The following ALOXE3 variants were observed in gnomAD, a reference collection of about 807,000 sequenced individuals.
The protein encoded by ALOXE3 is hydroperoxide isomerase ALOXE3.
Under a neutral mutation model 87.5 loss-of-function variants are expected in ALOXE3, and 78 were observed. The observed-to-expected ratio is 0.89, with a 90% CI of 0.74 to 1.08. ALOXE3 has a LOEUF of 1.08. ALOXE3 is among the 50% of genes least tolerant of loss of function. ALOXE3 has a pLI of 0.00. For missense variants in ALOXE3, 946 were observed against 912.4 expected (o/e 1.04, Z -0.47); for synonymous variants, 363 against 370.8 (o/e 0.98, Z 0.24).
At chr17:8,107,980 G>GAA (rs1555647085) in intron 13 of ALOXE3, among the ~76,000 whole-genome samples, 1 of 14,970 alleles carries the variant, frequency 6.7e-5, no homozygotes, top group East Asian at 5.8e-4. Flanking sequence ...GAGAGAGAGA[G>GAA]AGAAAGAAAG....
At chr17:8,107,244 C>T (rs1979384305) in intron 13 of ALOXE3, among the ~76,000 whole-genome samples, 1 of 152,154 alleles carries the variant, frequency 6.6e-6, no homozygotes, top group Admixed American at 6.5e-5. Context: ...AGGCCGGGTG[C>T]GGTGGCTCAC....
In ALOXE3 at chr17:8,111,350, C is replaced by T. The variant is rs200957066; in HGVS notation, c.957+9G>A. On this transcript the variant is annotated intron_variant, in intron 8 of 15. Coordinates refer to ENST00000448843, the MANE Select transcript of ALOXE3 (RefSeq NM_021628.3). ...ACCTATCAGGCCCACTGCCCAGATC[C>T]TTACCCACCTCTAGCTCTGTCTGCA... is the stretch of plus-strand genomic sequence containing the variant. 6.2e-7 allele frequency: 1 copy of T among 1,612,742 alleles called. No homozygotes were observed. The highest frequency in any genetic ancestry group is 2.2e-5 in the East Asian group (1 of 44,884).
Position 8,107,814 on chromosome 17 carries a change from AAAG to A in ALOXE3, c.1684+651_1684+653del, listed in dbSNP as rs1979455903. Reference sequence around the variant, plus strand: ...ACTCCGTCTCAAAAAAAAAAACAAGAAAGAAAGAAAGAAAGAAAGAAAGAAAGA... The same window carrying A: ...ACTCCGTCTCAAAAAAAAAAACAAGAAAAGAAAGAAAGAAAGAAAGAAAGA... On this transcript the variant is annotated intron_variant, in intron 13 of 15. Transcript: ENST00000448843. 8.9e-4 allele frequency among the ~76,000 whole-genome samples: 2 copies of A among 2,246 alleles called. 1 individual carries two copies. Among genetic ancestry groups the A allele is most frequent in the African/African-American group, 2.8e-3 (2 of 720 alleles). 1.5% of individuals were successfully genotyped at this position (2,246 alleles called of 152,430 possible). A position where few individuals can be genotyped will look rare whatever the true frequency, so the allele number is the denominator to read the frequency against.
At chr17:8,113,969 G>C (rs552708293) in intron 6 of ALOXE3, among the ~76,000 whole-genome samples, 2 of 151,228 alleles carry the variant, frequency 1.3e-5, no homozygotes, top group East Asian at 1.9e-4. Flanking sequence ...AGGTTGCGGT[G>C]AGCCGAGATC....
chr17:8,114,358 A>G (rs970175270), intron 6 of ALOXE3, 126 bp downstream of exon 6: 20 of 1,339,684 alleles, frequency 1.5e-5, no homozygotes, highest in Non-Finnish European at 2.1e-5. Context: ...GAATGAGTCC[A>G]GAGAGGAGGG....
chr17:8,102,976 G>T (rs2151830986), intron 15 of ALOXE3, among the ~76,000 whole-genome samples: 1 of 152,306 alleles, frequency 6.6e-6, no homozygotes, highest in Middle Eastern at 3.4e-3. Flanking sequence ...CAGGCTTCTT[G>T]AAGGCAGGAA....
In ALOXE3 at chr17:8,108,372, A is replaced by C. The variant is rs868493946; in HGVS notation, c.1684+96T>G. ...TGGGGATATTAATAGTATCTACTTC[A>C]AAGGCTGGTCAATAAATAACTGATG... On this transcript the variant is annotated intron_variant, in intron 13 of 15. Transcript: ENST00000448843. The C allele has an allele frequency of 2.6e-6, 4 of 1,532,930 alleles. No homozygotes were observed. In the Middle Eastern group the frequency reaches 7.8e-4, roughly 299 times the overall value. 95.0% of individuals were successfully genotyped at this position (1,532,930 alleles called of 1,614,324 possible).
In ALOXE3 at chr17:8,108,374, A is replaced by G. The variant is rs1979691419; in HGVS notation, c.1684+94T>C. ...GGGATATTAATAGTATCTACTTCAA[A>G]GGCTGGTCAATAAATAACTGATGGG... is the stretch of plus-strand genomic sequence containing the variant. On this transcript the variant is annotated intron_variant, in intron 13 of 15. Coordinates refer to ENST00000448843, the MANE Select transcript of ALOXE3 (RefSeq NM_021628.3). 12 of 1,538,504 alleles carry G rather than the reference A, an allele frequency of 7.8e-6. No individual in the cohort carries two copies. The East Asian group carries it at 2.7e-4, about 34-fold the overall frequency.
chr17:8,116,924 A>G lies in ALOXE3; in HGVS notation c.204T>C (p.Arg68=). 6.2e-7 allele frequency: 1 copy of G among 1,614,248 alleles called. No individual in the cohort carries two copies. The highest frequency in any genetic ancestry group is 2.2e-5 in the East Asian group (1 of 44,886). The change falls in exon 3 of 16, where the codon CGT becomes CGC. Residue 68 remains arginine, a synonymous_variant. Transcript: ENST00000448843. ...TAELGELLLL[R]VHKERYAFFR... is the part of the protein sequence containing the mutation. ...AGAAAGCGTAGCGCTCCTTGTGTAC[A>G]CGCAGCAGCAAGAGCTCACCCAGCT...
chr17:8,109,291 G>A lies in ALOXE3; in HGVS notation c.1445C>T (p.Ala482Val). The A allele has an allele frequency of 7.4e-6, 12 of 1,614,082 alleles. No individual in the cohort carries two copies. Among genetic ancestry groups the A allele is most frequent in the Non-Finnish European group, 1.0e-5 (12 of 1,180,034 alleles). ...GLIYLMSTGL[A>V]HFTYTNFCLP... ...GCAGAAATTGGTGTAGGTGAAGTGG[G>A]CCAGGCCCGTGCTCATGAGGTAGAT... is the stretch of plus-strand genomic sequence containing the variant. The change falls in exon 12 of 16, where the codon GCC (alanine) becomes GTC (valine). Residue 482 changes from alanine (A) to valine (V), a missense_variant. Physicochemically the swap from Ala to Val is moderately conservative, Grantham distance 64. Transcript: ENST00000448843.
In ALOXE3 at chr17:8,096,626, G is replaced by T. The variant is rs531306514; in HGVS notation, c.*1C>A. On this transcript the variant is annotated 3_prime_UTR_variant, in exon 16 of 16. Coordinates refer to ENST00000448843, the MANE Select transcript of ALOXE3 (RefSeq NM_021628.3). The stretch of plus-strand genomic sequence containing the variant: ...TCTTCTTGGGTGGTATTTGGGGGTG[G>T]TTAGATGGAGACGCTGTTCTCAATG... 80 of 1,295,636 alleles carry T rather than the reference G, an allele frequency of 6.2e-5. No individual in the cohort carries two copies. The South Asian group carries it at 9.0e-4, about 14-fold the overall frequency. The allele number at this position is 1,295,636 out of a possible 1,614,324, so 80.3% of individuals were successfully genotyped here.
At chr17:8,117,426 G>GAAAAGAAAAAGA (rs1980695825) in intron 2 of ALOXE3, among the ~76,000 whole-genome samples, 1 of 152,284 alleles carries the variant, frequency 6.6e-6, no homozygotes, top group Admixed American at 6.5e-5. Flanking sequence ...ATCTCAAAAA[G>GAAAAGAAAAAGA]AAAAGAAAAA....
In ALOXE3 at chr17:8,115,047, A is replaced by C. The variant is rs775113810; in HGVS notation, c.445T>G (p.Tyr149Asp). The C allele has an allele frequency of 1.9e-6, 3 of 1,614,102 alleles. No homozygotes were observed. In the African/African-American group the frequency reaches 4.0e-5, roughly 22 times the overall value. The change falls in exon 5 of 16, where the codon TAT (tyrosine) becomes GAT (aspartate). Residue 149 changes from tyrosine to aspartate, a missense_variant. By Grantham distance (160) the Tyr-to-Asp change is radical. Coordinates refer to ENST00000448843, the MANE Select transcript of ALOXE3 (RefSeq NM_021628.3). ...ARQECYRWKI[Y>D]APGFPCMVDV... ...ACCATGCAGGGGAAGCCAGGGGCAT[A>C]GATCTTCCAGCTTCCGAGGGAAAGA...
chr17:8,107,290 G>A lies in ALOXE3; in HGVS notation c.1684+1178C>T, dbSNP rs889689658. ...CCAGTACTTCGGGAGGCCGAGGTGG[G>A]CAGATCACCTGAGGTCAGGAGTTCA... On this transcript the variant is annotated intron_variant, in intron 13 of 15. Coordinates refer to ENST00000448843, the MANE Select transcript of ALOXE3 (RefSeq NM_021628.3). Among the ~76,000 whole-genome samples the A allele has an allele frequency of 5.9e-5, 9 of 152,348 alleles. No homozygotes were observed. In the East Asian group the frequency reaches 9.6e-4, roughly 16 times the overall value.
Position 8,096,679 on chromosome 17 carries a change from A to G in ALOXE3, c.2084T>C (p.Leu695Pro), listed in dbSNP as rs776047956. Residue 695 changes from leucine (L) to proline (P), a missense_variant, in exon 16 of 16, where the codon CTG (leucine) becomes CCG (proline). Leu to Pro is a moderately conservative substitution (Grantham distance 98). Transcript: ENST00000448843. ...GGGAGGGTCCAGGTAGGTGTAGGGCAGTGCCAGACCCTGGTTCCGCTCCTG... is the reference window on the plus strand; with the variant it reads ...GGGAGGGTCCAGGTAGGTGTAGGGCGGTGCCAGACCCTGGTTCCGCTCCTG... ...DIQERNQGLA[L>P]PYTYLDPPLI... The G allele has an allele frequency of 3.8e-6, 6 of 1,563,202 alleles. No individual in the cohort carries two copies. The highest frequency in any genetic ancestry group is 3.3e-5 in the South Asian group (3 of 90,058).
At chr17:8,112,324 T>C in intron 6 of ALOXE3, 128 bp from the exon 7 acceptor site, 1 of 722,064 alleles carries the variant, frequency 1.4e-6, no homozygotes. Context: ...ACAATCCACA[T>C]GGGAGAAAAA....
At chr17:8,107,245 G>A (rs900967333) in intron 13 of ALOXE3, among the ~76,000 whole-genome samples, 1 of 152,182 alleles carries the variant, frequency 6.6e-6, no homozygotes, top group South Asian at 2.1e-4. Context: ...GGCCGGGTGC[G>A]GTGGCTCACA....
intron 11 of ALOXE3, among the ~76,000 whole-genome samples, chr17:8,109,672 G>C (rs2151838550): frequency 6.6e-6 from 1 of 151,746 alleles, no homozygotes; most frequent in Middle Eastern, 3.4e-3. Context: ...GGCGGGGCTG[G>C]GGGCGGTGGG....
chr17:8,097,745 ATC>A (rs1169936725), intron 15 of ALOXE3, among the ~76,000 whole-genome samples: 16 of 134,992 alleles, frequency 1.2e-4, no homozygotes, highest in African/African-American at 3.3e-4. Context: ...AATACTACTG[ATC>A]TTTTTTTTTT....
Sources: allele counts gnomAD v4.1 joint callset (sites outside exome capture counted in the v4.1 genomes callset), GRCh38; gene constraint gnomAD v4.1.1; transcripts MANE v1.5; gene names NCBI Gene and HGNC (gene_info 2026-07-23, HGNC 2026-07-21).